Variants in RPS6KC1 observed in about 807,000 individuals in gnomAD.
RPS6KC1 encodes inactive ribosomal protein S6 kinase delta-1.
Under a neutral mutation model 103.8 loss-of-function variants are expected in RPS6KC1, and 54 were observed. The observed-to-expected ratio is 0.52, with a 90% CI of 0.42 to 0.65. The LOEUF is 0.65. RPS6KC1 is among the 30% of genes least tolerant of loss of function. The pLI, the probability that RPS6KC1 is intolerant of heterozygous loss-of-function variation, is 0.00. For synonymous variants in RPS6KC1, 439 were observed against 438.7 expected, an observed-to-expected ratio of 1.00 and a Z score of -0.01; for missense variants, 1,151 against 1,253.8, an observed-to-expected ratio of 0.92 and a Z score of 1.24.
At chr1:213,052,669 T>C (rs2148240813) in intron 1 of RPS6KC1, among the ~76,000 whole-genome samples, 1 of 151,948 alleles carries the variant, frequency 6.6e-6, no homozygotes, top group East Asian at 1.9e-4. Flanking sequence ...GCCTCCCGAG[T>C]AGCTGGGATT....
At chr1:213,804,828 G>A in the RPS6KC1 span, among the ~76,000 whole-genome samples, 2 of 152,240 alleles carry the variant, frequency 1.3e-5, no homozygotes, top group African/African-American at 4.8e-5. Context: ...TCAGGGAGGT[G>A]TGATTCTGTG....
At chr1:213,797,895 C>T in the RPS6KC1 span, among the ~76,000 whole-genome samples, 1 of 152,198 alleles carries the variant, frequency 6.6e-6, no homozygotes, top group Non-Finnish European at 1.5e-5. Flanking sequence ...AAAAGGATTA[C>T]AAAGCAGTTG....
At chr1:213,677,193 GC>G in the RPS6KC1 span, among the ~76,000 whole-genome samples, 1 of 152,202 alleles carries the variant, frequency 6.6e-6, no homozygotes, top group Non-Finnish European at 1.5e-5. Context: ...AGAGCATCTG[GC>G]CCTTTTAAAG....
chr1:213,063,788 A>G lies in RPS6KC1; in HGVS notation c.106-7218A>G, dbSNP rs1045103494. On this transcript the variant is annotated intron_variant, in intron 1 of 14. Transcript: ENST00000366960. ...GCTGTAAACAACATTCCTTCTTAAA[A>G]AGAGGTAAATTGAATTGATTATTAA... Among the ~76,000 whole-genome samples the G allele has an allele frequency of 3.3e-5, 5 of 152,216 alleles. No homozygotes were observed. In the South Asian group the frequency reaches 1.0e-3, roughly 31 times the overall value.
the RPS6KC1 span, among the ~76,000 whole-genome samples, chr1:213,735,727 G>T: frequency 6.6e-6 from 1 of 152,172 alleles, no homozygotes; most frequent in Non-Finnish European, 1.5e-5. Flanking sequence ...AGACAAAGAG[G>T]AAGAAAGAGA....
In RPS6KC1 at chr1:213,263,400, G is replaced by T. The variant is rs367954581; in HGVS notation, c.3090+584G>T. 1.1e-4 allele frequency among the ~76,000 whole-genome samples: 16 copies of T among 152,278 alleles called. No individual in the cohort carries two copies. In the East Asian group the frequency reaches 2.5e-3, roughly 24 times the overall value. ...GGAACTCCAGTGAACTTCTTAGATT[G>T]ATTCCTCATACTTAAATTACTCTTC... On this transcript the variant is annotated intron_variant, in intron 14 of 14. Transcript: ENST00000366960.
At chr1:213,679,190 C>G in the RPS6KC1 span, among the ~76,000 whole-genome samples, 1 of 152,144 alleles carries the variant, frequency 6.6e-6, no homozygotes, top group Non-Finnish European at 1.5e-5. Context: ...TCTTTGCCCT[C>G]TTAGCACTCG....
the RPS6KC1 span, among the ~76,000 whole-genome samples, chr1:213,629,135 C>A: frequency 6.7e-4 from 102 of 152,108 alleles, no homozygotes; most frequent in Admixed American, 9.2e-4. Context: ...TCCTGGGTAT[C>A]CTTGTTAACC....
At chr1:213,748,509 A>G in the RPS6KC1 span, among the ~76,000 whole-genome samples, 7 of 152,330 alleles carry the variant, frequency 4.6e-5, no homozygotes, top group East Asian at 7.7e-4. Context: ...TCCTCATTGT[A>G]ATGGAAAACT....
At chr1:213,584,534 T>A in the RPS6KC1 span, among the ~76,000 whole-genome samples, 3 of 152,214 alleles carry the variant, frequency 2.0e-5, no homozygotes, top group Admixed American at 2.0e-4. Context: ...CAGAGAAAAA[T>A]GACACCGAAT....
At chr1:213,647,176 G>A in the RPS6KC1 span, among the ~76,000 whole-genome samples, 2 of 152,130 alleles carry the variant, frequency 1.3e-5, no homozygotes, top group Admixed American at 1.3e-4. Flanking sequence ...CTCCCATAGT[G>A]CTGTGATTAC....
chr1:213,151,152 G>A lies in RPS6KC1; in HGVS notation c.836-16706G>A, dbSNP rs1327002642. Among the ~76,000 whole-genome samples the A allele has an allele frequency of 1.4e-4, 20 of 146,106 alleles. No homozygotes were observed. In the South Asian group the frequency reaches 3.5e-3, roughly 26 times the overall value. On this transcript the variant is annotated intron_variant, in intron 6 of 14. Coordinates refer to ENST00000366960, the MANE Select transcript of RPS6KC1 (RefSeq NM_012424.6). ...CCCCCACCTCCCTCCCGGATGGGGC[G>A]GCTGGCCGGGCGGGGGGCTGACCCC...
the RPS6KC1 span, among the ~76,000 whole-genome samples, chr1:213,835,120 G>A: frequency 1.3e-5 from 2 of 152,226 alleles, no homozygotes; most frequent in African/African-American, 4.8e-5. Flanking sequence ...AATGCAGTCA[G>A]TGTCCACATG....
At chr1:213,184,509 C>A (rs892554551) in intron 8 of RPS6KC1, among the ~76,000 whole-genome samples, 3 of 150,164 alleles carry the variant, frequency 2.0e-5, no homozygotes, top group African/African-American at 7.3e-5. Flanking sequence ...GATTTATTTC[C>A]CCTCTGATCT....
At chr1:213,839,434 T>G in the RPS6KC1 span, among the ~76,000 whole-genome samples, 1 of 152,232 alleles carries the variant, frequency 6.6e-6, no homozygotes, top group African/African-American at 2.4e-5. Flanking sequence ...GTTTGAGGCA[T>G]ACTTTATGTC....
At chr1:213,330,037 C>T in the RPS6KC1 span, among the ~76,000 whole-genome samples, 3 of 152,330 alleles carry the variant, frequency 2.0e-5, no homozygotes, top group Non-Finnish European at 4.4e-5. Flanking sequence ...GAGGGCCTCC[C>T]GCAGGGGCAC....
the RPS6KC1 span, among the ~76,000 whole-genome samples, chr1:213,467,732 C>T: frequency 6.6e-6 from 1 of 152,122 alleles, no homozygotes; most frequent in Non-Finnish European, 1.5e-5. Context: ...TACCTGAATT[C>T]CCTGCATCCA....
In RPS6KC1 at chr1:213,195,821, G is replaced by GGTGTGT. The variant is rs60968477; in HGVS notation, c.1044+19350_1044+19355dup. Among the ~76,000 whole-genome samples, 164 of 149,726 alleles carry GGTGTGT rather than the reference G, an allele frequency of 1.1e-3. 1 individual carries two copies. The highest frequency in any genetic ancestry group is 3.8e-3 in the African/African-American group (154 of 40,136). On this transcript the variant is annotated intron_variant, in intron 8 of 14. Transcript: ENST00000366960. The stretch of plus-strand genomic sequence containing the variant: ...TTTTTATGGCTGAGTAGTATTCCAT[G>GGTGTGT]GTGTGTGTGTGTGTGTGTGTGTGTG...
intron 6 of RPS6KC1, among the ~76,000 whole-genome samples, chr1:213,167,325 T>C (rs1025906261): frequency 3.9e-5 from 6 of 152,124 alleles, no homozygotes; most frequent in African/African-American, 1.4e-4. Flanking sequence ...AGGGTTCTAC[T>C]AGTAGTCTTT....
Sources: allele counts gnomAD v4.1 joint callset (sites outside exome capture counted in the v4.1 genomes callset), GRCh38; gene constraint gnomAD v4.1.1; transcripts MANE v1.5; gene names NCBI Gene and HGNC (gene_info 2026-07-23, HGNC 2026-07-21).